Variants in ZNF91 observed in about 807,000 individuals in gnomAD.
ZNF91 encodes zinc finger protein 91 (HPF7, HTF10).
In ZNF91, 7 loss-of-function variants were observed where a neutral mutation model predicts 12.6. The ratio of observed to expected loss-of-function variants is 0.55; its 90% confidence interval spans 0.31 to 1.04. The LOEUF is 1.04. Among genes scored for constraint, ZNF91 ranks in the 50% least tolerant of loss-of-function variants. The pLI is 0.05. For missense variants in ZNF91, 1,217 were observed against 1,385.4 expected (o/e 0.88, Z 1.93); for synonymous variants, 453 against 462.6 (o/e 0.98, Z 0.27).
In ZNF91 at chr19:23,372,498, A is replaced by G. The variant is rs116651173; in HGVS notation, c.253+1244T>C. On this transcript the variant is annotated intron_variant, in intron 3 of 3. Transcript: ENST00000300619. Reference sequence around the variant, plus strand: ...GAAACTCTGCTGAAGCCCAAGATCGAAGGTAATCCTTTTTAGAAGGCAAGC... The same window carrying G: ...GAAACTCTGCTGAAGCCCAAGATCGGAGGTAATCCTTTTTAGAAGGCAAGC... 4.1e-3 allele frequency among the ~76,000 whole-genome samples: 617 copies of G among 152,336 alleles called. 9 individuals are homozygous for G. The highest frequency in any genetic ancestry group is 0.014 in the African/African-American group (593 of 41,572).
chr19:23,353,541 AG>A (rs1847789720), downstream of ZNF91, among the ~76,000 whole-genome samples: 1 of 152,186 alleles, frequency 6.6e-6, no homozygotes, highest in African/African-American at 2.4e-5. Flanking sequence ...TCACAACTCA[AG>A]GAACTAGAGA....
intron 3 of ZNF91, among the ~76,000 whole-genome samples, chr19:23,348,013 G>T (rs1968273165): frequency 6.6e-6 from 1 of 152,142 alleles, no homozygotes; most frequent in Admixed American, 6.6e-5. Flanking sequence ...CATCCATCCA[G>T]TCCAATAATG....
intron 3 of ZNF91, among the ~76,000 whole-genome samples, chr19:23,367,079 AGCTAAAAGTTTCAGGCCAGCCTGG>A (rs1254103808): frequency 1.3e-5 from 2 of 152,218 alleles, no homozygotes; most frequent in Admixed American, 6.5e-5. Flanking sequence ...GATCACTTAC[AGCTAAAAGTTTCAGGCCAGCCTGG>A]GCAACATAGT....
chr19:23,373,916 C>G (rs1969399182), intron 2 of ZNF91, 79 bp from the exon 3 acceptor site: 2 of 857,422 alleles, frequency 2.3e-6, no homozygotes, highest in Non-Finnish European at 3.4e-6. Context: ...CAGTAAAGAG[C>G]ATATAATAGA....
chr19:23,362,990 A>G (rs13343690), intron 3 of ZNF91, among the ~76,000 whole-genome samples: 3,577 of 152,246 alleles, frequency 0.023, 129 homozygotes, highest in African/African-American at 0.081. Flanking sequence ...TACCCTGCAC[A>G]GGCCCTAATT....
Position 23,362,520 on chromosome 19 carries a change from T to C in ZNF91, c.459A>G (p.Val153=), listed in dbSNP as rs755599292. ...NQCLTTAQSK[V]FQCGKYLKVF... is the part of the protein sequence containing the mutation. ...CTTTCAAATATTTCCCACATTGAAA[T>C]ACTTTGCTCTGGGCAGTTGTGAGAC... The change falls in exon 4 of 4, where the codon GTA becomes GTG. Residue 153 remains valine, a synonymous_variant. Coordinates refer to ENST00000300619, the MANE Select transcript of ZNF91 (RefSeq NM_003430.4). The C allele has an allele frequency of 1.9e-6, 3 of 1,602,916 alleles. No individual in the cohort carries two copies. Among genetic ancestry groups the C allele is most frequent in the South Asian group, 1.1e-5 (1 of 89,460 alleles).
chr19:23,312,753 G>C (rs1360096136), upstream of ZNF91, among the ~76,000 whole-genome samples: 2 of 152,184 alleles, frequency 1.3e-5, no homozygotes, highest in Non-Finnish European at 2.9e-5. Context: ...ATTCATACCA[G>C]CACAAATGTC....
chr19:23,384,603 C>A, intron 1 of ZNF91: 3 of 925,182 alleles, frequency 3.2e-6, no homozygotes, highest in Non-Finnish European at 4.4e-6. Flanking sequence ...CTGAGACATT[C>A]TGTCTCCCGA....
At chr19:23,353,565 C>T (rs982154952), downstream of ZNF91, among the ~76,000 whole-genome samples, 4 of 151,846 alleles carry the variant, frequency 2.6e-5, no homozygotes, top group African/African-American at 9.7e-5. Flanking sequence ...CAAGAACAAA[C>T]CAAACCGAAA....
intron 3 of ZNF91, among the ~76,000 whole-genome samples, chr19:23,369,998 C>CA (rs1969206716): frequency 1.1e-5 from 1 of 87,984 alleles, no homozygotes; most frequent in African/African-American, 4.7e-5. Flanking sequence ...CAAGAATGAT[C>CA]AATAAAAAAA....
At chr19:23,368,556 C>A (rs201637988) in intron 3 of ZNF91, among the ~76,000 whole-genome samples, 78,674 of 116,916 alleles carry the variant, frequency 0.67, 25,756 homozygotes, top group Non-Finnish European at 0.72. Flanking sequence ...CTCTCTCTCT[C>A]TCTCTCTATA....
intron 3 of ZNF91, among the ~76,000 whole-genome samples, chr19:23,368,551 TCTC>T (rs1969118294): frequency 6.9e-6 from 1 of 145,384 alleles, no homozygotes; most frequent in Non-Finnish European, 1.5e-5. Flanking sequence ...TCTCTCTCTC[TCTC>T]TCTCTCTCTA....
intron 1 of ZNF91, among the ~76,000 whole-genome samples, chr19:23,387,941 C>CAAAAAAA (rs71163499): frequency 3.6e-5 from 2 of 56,288 alleles, no homozygotes; most frequent in South Asian, 7.2e-4. Flanking sequence ...GAGACTGTCT[C>CAAAAAAA]AAAAAAAAAA....
At chr19:23,353,941 A>G (rs890644862), downstream of ZNF91, among the ~76,000 whole-genome samples, 5 of 152,188 alleles carry the variant, frequency 3.3e-5, no homozygotes, top group Admixed American at 2.0e-4. Flanking sequence ...CAGTGAGATT[A>G]AAATGGTAAT....
At chr19:23,318,774 G>C (rs1170815945) in intron 1 of ZNF91, among the ~76,000 whole-genome samples, 2 of 152,154 alleles carry the variant, frequency 1.3e-5, no homozygotes, top group African/African-American at 2.4e-5. Flanking sequence ...CAGGTGATGT[G>C]ATTCTACTGC....
At chr19:23,350,096 A>G (rs1599709559) in intron 3 of ZNF91, among the ~76,000 whole-genome samples, 1 of 152,220 alleles carries the variant, frequency 6.6e-6, no homozygotes, top group East Asian at 1.9e-4. Context: ...GCGTGCAGCA[A>G]TTTATCAAAA....
At chr19:23,378,684 C>A (rs1484956840) in intron 1 of ZNF91, among the ~76,000 whole-genome samples, 1 of 152,042 alleles carries the variant, frequency 6.6e-6, no homozygotes, top group East Asian at 1.9e-4. Flanking sequence ...GTGTAGACAT[C>A]ACAAGTCACA....
chr19:23,364,515 A>G (rs1968924496), intron 3 of ZNF91, among the ~76,000 whole-genome samples: 1 of 152,170 alleles, frequency 6.6e-6, no homozygotes, highest in Admixed American at 6.5e-5. Context: ...CATTTTAGCA[A>G]TATGTTGCAT....
intron 3 of ZNF91, among the ~76,000 whole-genome samples, chr19:23,343,738 CAG>C (rs146280965): frequency 0.046 from 6,945 of 152,236 alleles, 252 homozygotes; most frequent in Non-Finnish European, 0.064. Flanking sequence ...GGCTTCTGCC[CAG>C]AGAGATAATA....
Sources: allele counts gnomAD v4.1 joint callset (sites outside exome capture counted in the v4.1 genomes callset), GRCh38; gene constraint gnomAD v4.1.1; transcripts MANE v1.5; gene names NCBI Gene and HGNC (gene_info 2026-07-23, HGNC 2026-07-21).